ZNF804A: variants seen among roughly 807,000 people sequenced by gnomAD.
ZNF804A encodes the protein zinc finger protein 804A.
Under a neutral mutation model 16.5 loss-of-function variants are expected in ZNF804A, and 2 were observed. The ratio of observed to expected loss-of-function variants is 0.12; its 90% CI spans 0.05 to 0.38. ZNF804A has a LOEUF of 0.38. Among genes scored for constraint, ZNF804A ranks in the 10% least tolerant of loss-of-function variants. The pLI is 0.99. For synonymous variants in ZNF804A, 534 were observed against 489.6 expected (o/e 1.09, Z -1.20); for missense variants, 1,473 against 1,390.7 (o/e 1.06, Z -0.94).
intron 1 of ZNF804A, among the ~76,000 whole-genome samples, chr2:184,689,593 A>G (rs932361626): frequency 1.3e-5 from 2 of 152,220 alleles, no homozygotes; most frequent in East Asian, 1.9e-4. Context: ...AATTAGGGCC[A>G]TGCTTTAGGA....
At chr2:184,815,314 A>G (rs1694966045) in intron 1 of ZNF804A, among the ~76,000 whole-genome samples, 1 of 151,982 alleles carries the variant, frequency 6.6e-6, no homozygotes, top group South Asian at 2.1e-4. Context: ...CTCAAATAAT[A>G]TGTACTAAAA....
intron 2 of ZNF804A, among the ~76,000 whole-genome samples, chr2:184,920,578 T>C (rs1279230007): frequency 6.6e-6 from 1 of 152,174 alleles, no homozygotes; most frequent in Admixed American, 6.5e-5. Context: ...GACTTTTTTC[T>C]AACTGACAAA....
Position 184,925,848 on chromosome 2 carries a change from C to T in ZNF804A, c.256-7755C>T, listed in dbSNP as rs372995102. Among the ~76,000 whole-genome samples, 58 of 152,046 alleles carry T rather than the reference C, an allele frequency of 3.8e-4. No homozygotes were observed. In the South Asian group the frequency reaches 8.5e-3, roughly 22 times the overall value. ...AAAAATAAAACTAATAAGAACCCTA[C>T]GCTATAACTTTGTTCCCCTCCTATT... On this transcript the variant is annotated intron_variant, in intron 2 of 3. Coordinates refer to ENST00000302277, the MANE Select transcript of ZNF804A (RefSeq NM_194250.2).
At chr2:184,885,794 A>T (rs1346298501) in intron 2 of ZNF804A, among the ~76,000 whole-genome samples, 1 of 152,156 alleles carries the variant, frequency 6.6e-6, no homozygotes, top group Non-Finnish European at 1.5e-5. Context: ...CAAGAACAGC[A>T]CAGGAAAGAC....
intron 2 of ZNF804A, among the ~76,000 whole-genome samples, chr2:184,892,554 G>A (rs981818326): frequency 2.2e-5 from 3 of 137,798 alleles, no homozygotes; most frequent in Non-Finnish European, 4.6e-5. Flanking sequence ...GCTCGATCTC[G>A]GCTTACTGCA....
At chr2:184,719,711 C>A (rs1042812930) in intron 1 of ZNF804A, among the ~76,000 whole-genome samples, 2 of 152,086 alleles carry the variant, frequency 1.3e-5, no homozygotes, top group Non-Finnish European at 2.9e-5. Context: ...CAACAAGTTC[C>A]TCATCTTTGT....
intron 1 of ZNF804A, among the ~76,000 whole-genome samples, chr2:184,764,951 GA>G (rs1694094707): frequency 6.6e-6 from 1 of 151,498 alleles, no homozygotes; most frequent in Non-Finnish European, 1.5e-5. Flanking sequence ...ATTTTATTTA[GA>G]AAACAAAAAA....
chr2:184,750,836 C>T (rs1381142213), intron 1 of ZNF804A, among the ~76,000 whole-genome samples: 1 of 151,266 alleles, frequency 6.6e-6, no homozygotes. Context: ...TACCACCTCT[C>T]CTGCTCCCCA....
chr2:184,652,711 T>A (rs899442141), intron 1 of ZNF804A, among the ~76,000 whole-genome samples: 1 of 152,178 alleles, frequency 6.6e-6, no homozygotes, highest in Non-Finnish European at 1.5e-5. Context: ...TTCTATATGG[T>A]TCGGCTGTGT....
chr2:184,890,611 T>G (rs867356782), intron 2 of ZNF804A, among the ~76,000 whole-genome samples: 102 of 152,086 alleles, frequency 6.7e-4, no homozygotes, highest in African/African-American at 2.4e-3. Flanking sequence ...TTCTAAATAT[T>G]TATTTTCTAT....
chr2:184,817,232 T>C (rs1694996883), intron 1 of ZNF804A, among the ~76,000 whole-genome samples: 1 of 151,764 alleles, frequency 6.6e-6, no homozygotes, highest in Admixed American at 6.6e-5. Context: ...TCTCCACTGG[T>C]GATATCTGGA....
intron 1 of ZNF804A, among the ~76,000 whole-genome samples, chr2:184,735,431 G>A (rs571210072): frequency 3.9e-4 from 59 of 152,102 alleles, no homozygotes; most frequent in East Asian, 7.8e-4. Context: ...ATCACACACC[G>A]GGGCCTGTTT....
chr2:184,623,753 A>G (rs1027860760), intron 1 of ZNF804A, among the ~76,000 whole-genome samples: 4 of 152,150 alleles, frequency 2.6e-5, no homozygotes, highest in African/African-American at 9.7e-5. Context: ...ATTAACAAAC[A>G]CACACTCAGG....
intron 2 of ZNF804A, among the ~76,000 whole-genome samples, chr2:184,866,803 A>T (rs950477184): frequency 2.6e-5 from 4 of 151,182 alleles, no homozygotes; most frequent in African/African-American, 9.7e-5. Context: ...ACAAGTGATG[A>T]TCCTCTTATT....
chr2:184,860,536 C>T (rs1334647736), intron 1 of ZNF804A, among the ~76,000 whole-genome samples: 1 of 152,154 alleles, frequency 6.6e-6, no homozygotes, highest in Non-Finnish European at 1.5e-5. Context: ...TGGCCCAGCA[C>T]ATGGGTCCAC....
intron 1 of ZNF804A, among the ~76,000 whole-genome samples, chr2:184,715,636 A>G (rs1470170368): frequency 1.3e-5 from 2 of 152,068 alleles, no homozygotes; most frequent in Non-Finnish European, 2.9e-5. Context: ...CCAGAGCTTA[A>G]GCCATCAACT....
chr2:184,798,866 T>C (rs1032195254), intron 1 of ZNF804A, among the ~76,000 whole-genome samples: 7 of 152,166 alleles, frequency 4.6e-5, no homozygotes, highest in African/African-American at 1.4e-4. Context: ...GTAGGCTATG[T>C]CAGAGGGAAG....
intron 1 of ZNF804A, among the ~76,000 whole-genome samples, chr2:184,797,400 A>C (rs1694650255): frequency 1.3e-5 from 2 of 151,976 alleles, no homozygotes; most frequent in Non-Finnish European, 2.9e-5. Context: ...GTCTCTTTTA[A>C]CCACTGTTGC....
chr2:184,908,767 A>G (rs1026132004), intron 2 of ZNF804A, among the ~76,000 whole-genome samples: 18 of 152,052 alleles, frequency 1.2e-4, no homozygotes, highest in Non-Finnish European at 1.5e-5. Context: ...TAAACAAACA[A>G]CTCTACAATT....
Sources: gnomAD v4.1 joint callset for allele counts (sites outside exome capture counted in the v4.1 genomes callset) on GRCh38, gnomAD v4.1.1 for gene constraint, MANE v1.5 for transcripts, NCBI Gene and HGNC (gene_info 2026-07-23, HGNC 2026-07-21) for gene names.